Variants in SFI1 observed in about 807,000 individuals in gnomAD.
The protein encoded by SFI1 is SFI1 centrin binding protein.
Under a neutral mutation model 207.5 loss-of-function variants are expected in SFI1, and 195 were observed. The observed-to-expected ratio is 0.94, with a 90% CI of 0.84 to 1.06. The LOEUF (loss-of-function observed/expected upper bound fraction) is 1.06. SFI1 is among the 50% of genes least tolerant of loss of function. SFI1 has a pLI of 0.00. For missense variants in SFI1, 1,634 were observed against 1,588.0 expected, an observed-to-expected ratio of 1.03 and a Z score of -0.49; for synonymous variants, 630 against 598.9, an observed-to-expected ratio of 1.05 and a Z score of -0.76.
At chr22:31,605,482 GC>G in intron 20 of SFI1, 1 of 153,034 alleles carries the variant, frequency 6.5e-6, no homozygotes, top group Non-Finnish European at 1.5e-5. Flanking sequence ...CCTCCCACAT[GC>G]CCCCTTTCAT....
At chr22:31,497,134 A>G (rs967040938) in intron 1 of SFI1, 19 of 152,206 alleles carry the variant, frequency 1.2e-4, no homozygotes, top group African/African-American at 4.1e-4. Context: ...ACCTGTTTTT[A>G]TGGGAGGCTG....
chr22:31,499,449 G>A (rs144721824), intron 1 of SFI1, among the ~76,000 whole-genome samples: 1 of 152,272 alleles, frequency 6.6e-6, no homozygotes, highest in Non-Finnish European at 1.5e-5. Context: ...TGGGATTACA[G>A]GTGTGAATCA....
chr22:31,615,201 G>A lies in SFI1; in HGVS notation c.3222G>A (p.Pro1074=), dbSNP rs940932506. Residue 1074 remains proline, a synonymous_variant, in exon 29 of 33, where the codon CCG becomes CCA. Transcript: ENST00000400288. ...LSSAPGPKQP[P]TASTGPELLL... ...GCGCCCCTGGCCCGAAGCAGCCCCCGACGGCAAGCACAGGCCCGGAGCTGC... is the reference window on the plus strand; with the variant it reads ...GCGCCCCTGGCCCGAAGCAGCCCCCAACGGCAAGCACAGGCCCGGAGCTGC... 31 of 1,582,298 alleles carry A rather than the reference G, an allele frequency of 2.0e-5. No individual in the cohort carries two copies. Among genetic ancestry groups the A allele is most frequent in the African/African-American group, 1.5e-4 (11 of 73,570 alleles).
chr22:31,567,696 C>T (rs535639483), intron 8 of SFI1, among the ~76,000 whole-genome samples: 2 of 151,994 alleles, frequency 1.3e-5, no homozygotes, highest in African/African-American at 2.4e-5. Flanking sequence ...TAAAGTACTT[C>T]TGTGAATTTA....
chr22:31,548,662 A>G (rs2060332917), intron 5 of SFI1, among the ~76,000 whole-genome samples: 1 of 149,778 alleles, frequency 6.7e-6, no homozygotes, highest in Admixed American at 6.6e-5. Context: ...AAAAAAAATT[A>G]GCTGGGCATG....
intron 24 of SFI1, chr22:31,612,938 T>A: frequency 1.7e-6 from 1 of 577,090 alleles, no homozygotes; most frequent in Non-Finnish European, 3.1e-6. Flanking sequence ...TGCCACCTTC[T>A]TTCATGAAGG....
intron 8 of SFI1, among the ~76,000 whole-genome samples, chr22:31,562,823 C>CG (rs1471156049): frequency 1.3e-5 from 2 of 150,810 alleles, no homozygotes; most frequent in Non-Finnish European, 3.0e-5. Flanking sequence ...TTAGTAGAGA[C>CG]GGGGTTTCAC....
At chr22:31,529,393 G>T (rs2058248153) in intron 3 of SFI1, among the ~76,000 whole-genome samples, 1 of 152,128 alleles carries the variant, frequency 6.6e-6, no homozygotes, top group African/African-American at 2.4e-5. Flanking sequence ...GGGTGTGGTG[G>T]CACATGCCTG....
intron 15 of SFI1, among the ~76,000 whole-genome samples, chr22:31,594,637 C>T (rs898174942): frequency 4.0e-5 from 6 of 151,082 alleles, no homozygotes; most frequent in East Asian, 3.9e-4. Flanking sequence ...GGGCGGATCA[C>T]GAGGTCAGGA....
intron 1 of SFI1, among the ~76,000 whole-genome samples, chr22:31,506,413 C>A (rs1672557594): frequency 6.6e-6 from 1 of 152,006 alleles, no homozygotes; most frequent in African/African-American, 2.4e-5. Flanking sequence ...ACACTGATAA[C>A]CATAAAAATT....
chr22:31,546,252 C>T (rs1007946378), intron 4 of SFI1, among the ~76,000 whole-genome samples: 3 of 151,874 alleles, frequency 2.0e-5, no homozygotes, highest in South Asian at 2.1e-4. Flanking sequence ...AGTCCTCCTA[C>T]CTTGACCTCT....
intron 22 of SFI1, among the ~76,000 whole-genome samples, chr22:31,609,324 T>C (rs2069648858): frequency 6.6e-6 from 1 of 152,014 alleles, no homozygotes; most frequent in African/African-American, 2.4e-5. Context: ...TAAAAAATCT[T>C]TGGAAAGATA....
intron 14 of SFI1, 68 bp from the exon 15 acceptor site, chr22:31,589,379 T>C: frequency 7.3e-7 from 1 of 1,364,600 alleles, no homozygotes; most frequent in Non-Finnish European, 9.7e-7. Flanking sequence ...CACAAGGGTG[T>C]GACCCTGAGA....
chr22:31,613,043 A>T, intron 24 of SFI1, 99 bp from the exon 25 acceptor site: 1 of 1,308,148 alleles, frequency 7.6e-7, no homozygotes. Context: ...AGCCTCGACT[A>T]GAGAGGGAGC....
At chr22:31,537,550 G>C (rs1465874515) in intron 4 of SFI1, among the ~76,000 whole-genome samples, 2 of 152,184 alleles carry the variant, frequency 1.3e-5, no homozygotes, top group Non-Finnish European at 2.9e-5. Context: ...TACTGGACTA[G>C]AATTAAGGAG....
At chr22:31,612,398 A>AAAT (rs1556369798) in intron 24 of SFI1, 12 of 60,198 alleles carry the variant, frequency 2.0e-4, no homozygotes, top group African/African-American at 4.0e-4. Context: ...AAAAAAAAAA[A>AAAT]ATATATATAT....
intron 7 of SFI1, among the ~76,000 whole-genome samples, chr22:31,558,558 G>T (rs1057288503): frequency 9.3e-5 from 14 of 151,014 alleles, no homozygotes; most frequent in Admixed American, 6.6e-4. Flanking sequence ...AACCTTCTGG[G>T]TTCAAGCCTT....
chr22:31,520,221 TC>T (rs2057056563), intron 2 of SFI1, among the ~76,000 whole-genome samples: 1 of 152,014 alleles, frequency 6.6e-6, no homozygotes, highest in African/African-American at 2.4e-5. Flanking sequence ...TTTCTGAACT[TC>T]CTTCCAAACC....
intron 2 of SFI1, among the ~76,000 whole-genome samples, chr22:31,517,389 A>G (rs1349795654): frequency 6.6e-6 from 1 of 152,038 alleles, no homozygotes; most frequent in African/African-American, 2.4e-5. Context: ...ATGGCACTAC[A>G]GGCATGTGCC....
Sources: gnomAD v4.1 joint callset for allele counts (sites outside exome capture counted in the v4.1 genomes callset) on GRCh38, gnomAD v4.1.1 for gene constraint, MANE v1.5 for transcripts, NCBI Gene and HGNC (gene_info 2026-07-23, HGNC 2026-07-21) for gene names.